HPSE2: variants seen among roughly 807,000 people sequenced by gnomAD.
The protein encoded by HPSE2 is inactive heparanase-2.
In HPSE2, 38 loss-of-function variants were observed where a neutral mutation model predicts 60.5. The observed-to-expected ratio is 0.63, with a 90% CI of 0.48 to 0.82. HPSE2 has a LOEUF of 0.82. Among genes scored for constraint, HPSE2 ranks in the 40% least tolerant of loss-of-function variants. The pLI, the probability that HPSE2 is intolerant of heterozygous loss-of-function variation, is 0.00. For missense variants in HPSE2, 713 were observed against 740.4 expected (o/e 0.96, Z 0.43); for synonymous variants, 295 against 293.2 (o/e 1.01, Z -0.06).
chr10:99,235,911 C>A, upstream of HPSE2: 1 of 836,920 alleles, frequency 1.2e-6, no homozygotes, highest in Non-Finnish European at 2.0e-6. Flanking sequence ...TTTTCCCTTC[C>A]TCCCACCACC....
intron 4 of HPSE2, among the ~76,000 whole-genome samples, chr10:98,735,898 C>A (rs571936507): frequency 4.9e-4 from 75 of 152,220 alleles, no homozygotes; most frequent in African/African-American, 1.6e-3. Flanking sequence ...CAGATGAGAC[C>A]TTGGACTGTG....
intron 11 of HPSE2, among the ~76,000 whole-genome samples, chr10:98,479,657 A>G (rs561326597): frequency 8.5e-5 from 13 of 152,338 alleles, no homozygotes; most frequent in African/African-American, 2.2e-4. Context: ...AACTGGCAGT[A>G]ATTTATAGGC....
intron 11 of HPSE2, among the ~76,000 whole-genome samples, chr10:98,466,304 G>A (rs2133591671): frequency 6.6e-6 from 1 of 152,206 alleles, no homozygotes; most frequent in South Asian, 2.1e-4. Context: ...TGAGTGGGAG[G>A]TGAAGGGACT....
intron 9 of HPSE2, among the ~76,000 whole-genome samples, chr10:98,522,265 AC>A (rs1186417599): frequency 1.9e-4 from 29 of 152,044 alleles, no homozygotes; most frequent in African/African-American, 4.8e-4. Context: ...CAAAAAAAAA[AC>A]AATAAAACAA....
intron 10 of HPSE2, among the ~76,000 whole-genome samples, chr10:98,484,421 A>G (rs1431030525): frequency 6.6e-6 from 1 of 152,206 alleles, no homozygotes; most frequent in African/African-American, 2.4e-5. Flanking sequence ...TATTTTTAGT[A>G]GAGATGGGGT....
chr10:98,474,356 C>G (rs1940910413), intron 11 of HPSE2, among the ~76,000 whole-genome samples: 1 of 151,886 alleles, frequency 6.6e-6, no homozygotes. Context: ...GTGGCCAGTT[C>G]ACCCCTCAGG....
intron 3 of HPSE2, among the ~76,000 whole-genome samples, chr10:98,846,964 T>C (rs1424087717): frequency 1.3e-5 from 2 of 152,204 alleles, no homozygotes; most frequent in Admixed American, 6.5e-5. Flanking sequence ...GGTGTGTATA[T>C]GCAGAGGTAA....
At chr10:99,081,756 C>A (rs1298021390) in intron 3 of HPSE2, among the ~76,000 whole-genome samples, 1 of 152,058 alleles carries the variant, frequency 6.6e-6, no homozygotes, top group Non-Finnish European at 1.5e-5. Context: ...CCTGCCTCAG[C>A]CTCCTGAGTA....
intron 7 of HPSE2, among the ~76,000 whole-genome samples, chr10:98,628,190 T>G (rs1006940017): frequency 8.5e-5 from 13 of 152,190 alleles, no homozygotes; most frequent in South Asian, 2.1e-4. Flanking sequence ...GCTTATGAAC[T>G]CTGTATCTTC....
chr10:98,668,654 A>G (rs541433080), intron 6 of HPSE2, among the ~76,000 whole-genome samples: 21 of 152,312 alleles, frequency 1.4e-4, no homozygotes, highest in African/African-American at 4.3e-4. Context: ...TAAGCAATGT[A>G]GAAACGACTT....
chr10:98,482,492 GTC>G, intron 11 of HPSE2, 142 bp downstream of exon 11: 1 of 945,722 alleles, frequency 1.1e-6, no homozygotes, highest in Non-Finnish European at 1.7e-6. Context: ...GGAGTCAGCA[GTC>G]ACCTGACCCC....
chr10:98,640,157 G>C (rs1022130007), intron 7 of HPSE2, among the ~76,000 whole-genome samples: 1 of 152,162 alleles, frequency 6.6e-6, no homozygotes, highest in Admixed American at 6.5e-5. Context: ...CTGAAAGTAA[G>C]TGTTAAAACT....
intron 9 of HPSE2, among the ~76,000 whole-genome samples, chr10:98,502,959 C>T (rs1381634784): frequency 5.3e-5 from 8 of 152,098 alleles, no homozygotes; most frequent in Non-Finnish European, 8.8e-5. Flanking sequence ...CGCCTGTAAT[C>T]CCAGCAGTTT....
intron 2 of HPSE2, among the ~76,000 whole-genome samples, chr10:99,199,691 T>G (rs1848513003): frequency 6.6e-6 from 1 of 152,174 alleles, no homozygotes; most frequent in Non-Finnish European, 1.5e-5. Flanking sequence ...CTCTGTAATA[T>G]ATTTTGAAAC....
At chr10:98,728,050 AAAGG>A (rs758732485) in intron 4 of HPSE2, among the ~76,000 whole-genome samples, 1 of 152,220 alleles carries the variant, frequency 6.6e-6, no homozygotes, top group African/African-American at 2.4e-5. Flanking sequence ...AAGAAATAAA[AAAGG>A]AAGTCATTCA....
At chr10:98,865,548 G>T (rs922848217) in intron 3 of HPSE2, among the ~76,000 whole-genome samples, 1 of 152,038 alleles carries the variant, frequency 6.6e-6, no homozygotes, top group African/African-American at 2.4e-5. Context: ...TGAGGAGATA[G>T]AGGTAAGAGT....
chr10:98,923,415 C>T (rs1242551704), intron 3 of HPSE2, among the ~76,000 whole-genome samples: 1 of 152,142 alleles, frequency 6.6e-6, no homozygotes, highest in African/African-American at 2.4e-5. Context: ...ACTTCTTCTA[C>T]TTGAATGTTG....
chr10:99,206,429 A>C (rs1848747910), intron 2 of HPSE2, among the ~76,000 whole-genome samples: 2 of 151,996 alleles, frequency 1.3e-5, no homozygotes, highest in Non-Finnish European at 2.9e-5. Flanking sequence ...GGTGAAACCC[A>C]ATGTCTACAA....
At chr10:98,524,949 A>G (rs1942915705) in intron 9 of HPSE2, among the ~76,000 whole-genome samples, 1 of 150,792 alleles carries the variant, frequency 6.6e-6, no homozygotes, top group Non-Finnish European at 1.5e-5. Context: ...TAAAAATACC[A>G]TGACAGATCA....
Sources: gnomAD v4.1 joint callset for allele counts (sites outside exome capture counted in the v4.1 genomes callset) on GRCh38, gnomAD v4.1.1 for gene constraint, MANE v1.5 for transcripts, NCBI Gene and HGNC (gene_info 2026-07-23, HGNC 2026-07-21) for gene names.